Variants in FOXD4 observed in about 807,000 individuals in gnomAD.
FOXD4 encodes the protein forkhead box D4, also known as forkhead box protein D4.
A neutral mutation model predicts 26.5 loss-of-function variants in FOXD4; 22 were observed. The ratio of observed to expected loss-of-function variants is 0.83; its 90% CI spans 0.59 to 1.18. The LOEUF (loss-of-function observed/expected upper bound fraction) is 1.18. Among genes scored for constraint, FOXD4 ranks in the 50% most tolerant of loss-of-function variants. The probability of loss-of-function intolerance (pLI) is 0.00; values close to 1 mark genes in which losing one functional copy is unlikely to be tolerated. For missense variants in FOXD4, 625 were observed against 605.8 expected, an observed-to-expected ratio of 1.03 and a Z score of -0.33; for synonymous variants, 258 against 273.7, an observed-to-expected ratio of 0.94 and a Z score of 0.57.
At position 117,813 on chromosome 9, in the gene FOXD4, C is replaced by A. The variant is rs1459452351; in HGVS notation, c.307G>T (p.Ala103Ser). ...AAASEDARQP[A>S]KPPSSYIALI... ...GCGATGTACGAGGAGGGGGGCTTTGCCGGCTGCCGGGCATCTTCAGAGGCC... is the reference window on the plus strand; with the variant it reads ...GCGATGTACGAGGAGGGGGGCTTTGACGGCTGCCGGGCATCTTCAGAGGCC... Residue 103 changes from alanine to serine, a missense_variant, in exon 1 of 1, where the codon GCA becomes TCA. By Grantham distance (99) the Ala-to-Ser change is moderately conservative (BLOSUM62 1). Transcript: ENST00000382500. 1 of 1,612,862 alleles carries A rather than the reference C, an allele frequency of 6.2e-7. No individual in the cohort carries two copies. The highest frequency in any genetic ancestry group is 1.7e-5 in the Admixed American group (1 of 60,022).
Position 117,558 on chromosome 9 carries a change from A to T in FOXD4, c.562T>A (p.Phe188Ile). Reference sequence around the variant, plus strand: ...CGCCGGAGAAAGCTGCCATTGTCGAACATGTCCTGGGAGGCGGGGTCCAGG... The same window carrying T: ...CGCCGGAGAAAGCTGCCATTGTCGATCATGTCCTGGGAGGCGGGGTCCAGG... ...WSLDPASQDMFDNGSFLRRRK... is the reference protein window; with the variant it reads ...WSLDPASQDMIDNGSFLRRRK... The change falls in exon 1 of 1, where the codon TTC (phenylalanine) becomes ATC (isoleucine). Residue 188 changes from phenylalanine to isoleucine, a missense_variant. By Grantham distance (21) the Phe-to-Ile change is conservative. Transcript: ENST00000382500. 6.2e-7 allele frequency: 1 copy of T among 1,613,292 alleles called. No individual in the cohort carries two copies. Among genetic ancestry groups the T allele is most frequent in the South Asian group, 1.1e-5 (1 of 91,044 alleles).
chr9:117,525 G>T lies in FOXD4; in HGVS notation c.595C>A (p.Arg199Ser), dbSNP rs754274326. 6 of 1,612,220 alleles carry T rather than the reference G, an allele frequency of 3.7e-6. No individual in the cohort carries two copies. The highest frequency in any genetic ancestry group is 5.1e-6 in the Non-Finnish European group (6 of 1,179,984). The change falls in exon 1 of 1, where the codon CGT becomes AGT. Residue 199 changes from arginine (R) to serine (S), a missense_variant. Transcript: ENST00000382500. Reference sequence around the variant, plus strand: ...GGGGTCGGTTGGTGGCGCTGGAAACGCTTCCTACGCCGGAGAAAGCTGCCA... The same window carrying T: ...GGGGTCGGTTGGTGGCGCTGGAAACTCTTCCTACGCCGGAGAAAGCTGCCA... The part of the protein sequence containing the change: ...DNGSFLRRRK[R>S]FQRHQPTPGA...
In FOXD4 at chr9:117,498, C is replaced by T; in HGVS notation, c.622G>A (p.Gly208Arg). 1.2e-6 allele frequency: 2 copies of T among 1,610,902 alleles called. No individual in the cohort carries two copies. Among genetic ancestry groups the T allele is most frequent in the Non-Finnish European group, 1.7e-6 (2 of 1,179,902 alleles). ...KRFQRHQPTP[G>R]AHLPHPFPLP... Reference sequence around the variant, plus strand: ...GGGAAGGGGTGGGGCAGGTGGGCTCCCGGGGTCGGTTGGTGGCGCTGGAAA... The same window carrying T: ...GGGAAGGGGTGGGGCAGGTGGGCTCTCGGGGTCGGTTGGTGGCGCTGGAAA... The change falls in exon 1 of 1, where the codon GGA (glycine) becomes AGA (arginine). Residue 208 changes from glycine to arginine, a missense_variant. By Grantham distance (125) the Gly-to-Arg change is moderately radical. Around this residue, in one of 3 missense-constraint regions of FOXD4, gnomAD observed 399 missense variants for 329.4 expected, o/e 1.21. Transcript: ENST00000382500.
At position 117,723 on chromosome 9, in the gene FOXD4, A is replaced by G. The variant is rs762213039; in HGVS notation, c.397T>C (p.Phe133Leu). ...KRLTLSGICA[F>L]ISDRFPYYRR... ...TAGTAGGGGAAGCGGTCACTAATGA[A>G]GGCGCAGATGCCGCTGAGCGTGAGG... Residue 133 changes from phenylalanine to leucine, a missense_variant, in exon 1 of 1, where the codon TTC (phenylalanine) becomes CTC (leucine). Physicochemically the swap from Phe to Leu is conservative, Grantham distance 22. Around this residue, in one of 3 missense-constraint regions of FOXD4, gnomAD observed 399 missense variants for 329.4 expected, o/e 1.21. Transcript: ENST00000382500. The G allele has an allele frequency of 1.5e-5, 24 of 1,613,056 alleles. No homozygotes were observed. Among genetic ancestry groups the G allele is most frequent in the South Asian group, 7.7e-5 (7 of 91,020 alleles).
rs185822829 is a variant in FOXD4, at chr9:117,352, G to A, written c.768C>T (p.Tyr256=). 15,157 of 1,589,888 alleles carry A rather than the reference G, an allele frequency of 9.5e-3. 489 individuals are homozygous for A. In the African/African-American group the frequency reaches 0.12, roughly 12 times the overall value. The change falls in exon 1 of 1, where the codon TAC becomes TAT. Residue 256 remains tyrosine, a synonymous_variant. Coordinates refer to ENST00000382500, the MANE Select transcript of FOXD4 (RefSeq NM_207305.5). ...YPNTGPGRRP[Y]ALLHPHPPRY... is the part of the protein sequence containing the mutation. ...GAGGAGGATGCGGGTGCAGCAGAGCGTAAGGGCGTCTCCCGGGGCCGGTGT... is the reference window on the plus strand; with the variant it reads ...GAGGAGGATGCGGGTGCAGCAGAGCATAAGGGCGTCTCCCGGGGCCGGTGT...
In FOXD4 at chr9:117,457, G is replaced by T. The variant is rs561542320; in HGVS notation, c.663C>A (p.His221Gln). Residue 221 changes from histidine to glutamine, a missense_variant, in exon 1 of 1, where the codon CAC becomes CAA. Transcript: ENST00000382500. Reference sequence around the variant, plus strand: ...CTGGGCGGGGGTTGTGCAGGGCGGCGTGTGCAGCAGGTAGAGGGAAGGGGT... The same window carrying T: ...CTGGGCGGGGGTTGTGCAGGGCGGCTTGTGCAGCAGGTAGAGGGAAGGGGT... ...LPHPFPLPAA[H>Q]AALHNPRPGP... The T allele has an allele frequency of 2.9e-4, 458 of 1,602,374 alleles. 3 individuals carry two copies. In the South Asian group the frequency reaches 4.1e-3, roughly 14 times the overall value.
rs1819355287 is a variant in FOXD4 at position 116,309 on chromosome 9, G to A, written c.*491C>T. ...CACCTTAATTTTAACATTAAAGATG[G>A]CACGTCAGACACACAGATAAGAAAT... On this transcript the variant is annotated 3_prime_UTR_variant, in exon 1 of 1. Transcript: ENST00000382500. 1 of 183,474 alleles carries A rather than the reference G, an allele frequency of 5.5e-6. No individual in the cohort carries two copies. The highest frequency in any genetic ancestry group is 5.5e-5 in the Admixed American group (1 of 18,074). 11.4% of individuals were successfully genotyped at this position (183,474 alleles called of 1,614,324 possible).
In FOXD4 at chr9:117,512, T is replaced by A. The variant is rs1254051279; in HGVS notation, c.608A>T (p.His203Leu). The A allele has an allele frequency of 1.2e-6, 2 of 1,611,708 alleles. No homozygotes were observed. Among genetic ancestry groups the A allele is most frequent in the East Asian group, 4.5e-5 (2 of 44,886 alleles). The change falls in exon 1 of 1, where the codon CAC becomes CTC. Residue 203 changes from histidine (H) to leucine (L), a missense_variant. Coordinates refer to ENST00000382500, the MANE Select transcript of FOXD4 (RefSeq NM_207305.5). ...FLRRRKRFQR[H>L]QPTPGAHLPH... ...CAGGTGGGCTCCCGGGGTCGGTTGG[T>A]GGCGCTGGAAACGCTTCCTACGCCG...
Position 118,338 on chromosome 9 carries a change from C to A in FOXD4, c.-219G>T, listed in dbSNP as rs1819431247. On this transcript the variant is annotated 5_prime_UTR_variant, in exon 1 of 1. Transcript: ENST00000382500. The stretch of plus-strand genomic sequence containing the variant: ...CTTCTTCAAGACCATGTGTGGTGGA[C>A]GCCTCCCTTTATAACCCTTCTTCCC... The A allele has an allele frequency of 1.2e-5, 11 of 908,084 alleles. No individual in the cohort carries two copies. Among genetic ancestry groups the A allele is most frequent in the Non-Finnish European group, 1.7e-6 (1 of 602,880 alleles). 56.3% of individuals were successfully genotyped at this position (908,084 alleles called of 1,614,324 possible).
rs763095339 is a variant in FOXD4, at chr9:117,280, T to G, written c.840A>C (p.Lys280Asn). The G allele has an allele frequency of 3.1e-6, 5 of 1,605,684 alleles. No individual in the cohort carries two copies. In the East Asian group the frequency reaches 1.1e-4, roughly 36 times the overall value. ...GGGTCGCCAGGTCCGCGCCTTCTGC[T>G]TTCTTCGGTGCCCCGGCATAGGCGG... ...SAPAYAGAPK[K>N]AEGADLATPA... Residue 280 changes from lysine (K) to asparagine (N), a missense_variant, in exon 1 of 1, where the codon AAA (lysine) becomes AAC (asparagine). Physicochemically the swap from Lys to Asn is moderately conservative, Grantham distance 94. This residue lies in a region of FOXD4 where 92 missense variants were observed against 144.2 expected (regional missense o/e 0.64). Coordinates refer to ENST00000382500, the MANE Select transcript of FOXD4 (RefSeq NM_207305.5).
In FOXD4 at chr9:117,115, C is replaced by G. The variant is rs1173211336; in HGVS notation, c.1005G>C (p.Gln335His). The part of the protein sequence containing the change: ...VSCKGSGERV[Q>H]GLRRVCPRPR... Reference sequence around the variant, plus strand: ...GTCGGGGACAAACTCTGCGCAGCCCCTGTACCCGCTCCCCTGACCCCTTGC... The same window carrying G: ...GTCGGGGACAAACTCTGCGCAGCCCGTGTACCCGCTCCCCTGACCCCTTGC... The change falls in exon 1 of 1, where the codon CAG becomes CAC. Residue 335 changes from glutamine (Q) to histidine (H), a missense_variant. By Grantham distance (24) the Gln-to-His change is conservative (BLOSUM62 0). Coordinates refer to ENST00000382500, the MANE Select transcript of FOXD4 (RefSeq NM_207305.5). 9.9e-6 allele frequency: 16 copies of G among 1,611,960 alleles called. No homozygotes were observed. Among genetic ancestry groups the G allele is most frequent in the African/African-American group, 2.7e-5 (2 of 74,942 alleles).
rs749748421 is a variant in FOXD4, at chr9:117,430, G to A, written c.690C>T (p.Gly230=). 91 of 1,596,538 alleles carry A rather than the reference G, an allele frequency of 5.7e-5. 1 individual carries two copies. The highest frequency in any genetic ancestry group is 2.3e-4 in the Middle Eastern group (1 of 4,444). ...AHAALHNPRP[G]PLLGAPAPPQ... Reference sequence around the variant, plus strand: ...GCGGGGCAGGGGCCCCAAGCAGAGGGCCTGGGCGGGGGTTGTGCAGGGCGG... The same window carrying A: ...GCGGGGCAGGGGCCCCAAGCAGAGGACCTGGGCGGGGGTTGTGCAGGGCGG... Residue 230 remains glycine (G), a synonymous_variant, in exon 1 of 1, where the codon GGC becomes GGT. Coordinates refer to ENST00000382500, the MANE Select transcript of FOXD4 (RefSeq NM_207305.5).
chr9:117,166 T>A lies in FOXD4; in HGVS notation c.954A>T (p.Ala318=), dbSNP rs1289958250. ...ATGATACTCTCAATGCTGAAAGAGA[T>A]GCATCCGCCTCCCGGTGGCGACGCC... ...RVWRRHREAD[A]SLSALRVSCK... The change falls in exon 1 of 1, where the codon GCA becomes GCT. Residue 318 remains alanine, a synonymous_variant. Transcript: ENST00000382500. 2 of 1,611,398 alleles carry A rather than the reference T, an allele frequency of 1.2e-6. No individual in the cohort carries two copies. Among genetic ancestry groups the A allele is most frequent in the African/African-American group, 2.7e-5 (2 of 74,810 alleles).
At position 118,045 on chromosome 9, in the gene FOXD4, A is replaced by G; in HGVS notation, c.75T>C (p.Gly25=). The change falls in exon 1 of 1, where the codon GGT becomes GGC. Residue 25 remains glycine (G), a synonymous_variant. Coordinates refer to ENST00000382500, the MANE Select transcript of FOXD4 (RefSeq NM_207305.5). The part of the protein sequence containing the change: ...RSLRDSDGED[G]KIDVLGEEED... ...CCTCCTCTCCCAGGACATCGATTTT[A>G]CCGTCTTCCCCATCGGAGTCCCGGA... The G allele has an allele frequency of 6.2e-7, 1 of 1,611,794 alleles. No individual in the cohort carries two copies. The highest frequency in any genetic ancestry group is 8.5e-7 in the Non-Finnish European group (1 of 1,179,818).
Position 117,356 on chromosome 9 carries a change from G to A in FOXD4, c.764C>T (p.Pro255Leu), listed in dbSNP as rs754328922. Residue 255 changes from proline (P) to leucine (L), a missense_variant, in exon 1 of 1, where the codon CCT (proline) becomes CTT (leucine). This residue lies in a region of FOXD4 where 92 missense variants were observed against 144.2 expected (regional missense o/e 0.64). Coordinates refer to ENST00000382500, the MANE Select transcript of FOXD4 (RefSeq NM_207305.5). ...AGGATGCGGGTGCAGCAGAGCGTAA[G>A]GGCGTCTCCCGGGGCCGGTGTTGGG... ...AYPNTGPGRR[P>L]YALLHPHPPR... 6 of 1,592,786 alleles carry A rather than the reference G, an allele frequency of 3.8e-6. No individual in the cohort carries two copies. In the East Asian group the frequency reaches 1.3e-4, roughly 36 times the overall value.
In FOXD4 at chr9:116,976, C is replaced by T. The variant is rs760345986; in HGVS notation, c.1144G>A (p.Gly382Ser). ...DCANGCAPTK[G>S]AVLGGHLSAA... ...GACAGGTGCCCGCCCAGCACCGCGC[C>T]CTTGGTGGGAGCGCAGCCGTTGGCG... is the stretch of plus-strand genomic sequence containing the variant. Residue 382 changes from glycine to serine, a missense_variant, in exon 1 of 1, where the codon GGC becomes AGC. Gly to Ser is a moderately conservative substitution (Grantham distance 56). Around this residue, in one of 3 missense-constraint regions of FOXD4, gnomAD observed 134 missense variants for 132.2 expected, o/e 1.01. Coordinates refer to ENST00000382500, the MANE Select transcript of FOXD4 (RefSeq NM_207305.5). 1 of 1,611,968 alleles carries T rather than the reference C, an allele frequency of 6.2e-7. No individual in the cohort carries two copies. The highest frequency in any genetic ancestry group is 8.5e-7 in the Non-Finnish European group (1 of 1,179,804).
rs1308028745 is a variant in FOXD4 at position 117,806 on chromosome 9, G to T, written c.314C>A (p.Pro105His). ...ASEDARQPAK[P>H]PSSYIALITM... ...GATGAGCGCGATGTACGAGGAGGGG[G>T]GCTTTGCCGGCTGCCGGGCATCTTC... Residue 105 changes from proline to histidine, a missense_variant, in exon 1 of 1, where the codon CCC becomes CAC. By Grantham distance (77) the Pro-to-His change is moderately conservative. This residue lies in a region of FOXD4 where 399 missense variants were observed against 329.4 expected (regional missense o/e 1.21). Transcript: ENST00000382500. The T allele has an allele frequency of 6.2e-7, 1 of 1,612,984 alleles. No homozygotes were observed. The highest frequency in any genetic ancestry group is 8.5e-7 in the Non-Finnish European group (1 of 1,179,992).
chr9:118,156 G>C lies in FOXD4; in HGVS notation c.-37C>G. On this transcript the variant is annotated 5_prime_UTR_variant, in exon 1 of 1. Transcript: ENST00000382500. Reference sequence around the variant, plus strand: ...TGCTTCAGTCGCAGGGGATGTGGCGGCCGGATCACCTGGCCCCGGCGGGCT... The same window carrying C: ...TGCTTCAGTCGCAGGGGATGTGGCGCCCGGATCACCTGGCCCCGGCGGGCT... 6.4e-7 allele frequency: 1 copy of C among 1,574,002 alleles called. No homozygotes were observed. Among genetic ancestry groups the C allele is most frequent in the Non-Finnish European group, 8.6e-7 (1 of 1,163,904 alleles).
chr9:117,802 G>T lies in FOXD4; in HGVS notation c.318C>A (p.Pro106=), dbSNP rs544364362. The part of the protein sequence containing the change: ...SEDARQPAKP[P]SSYIALITMA... ...TGGTGATGAGCGCGATGTACGAGGAGGGGGGCTTTGCCGGCTGCCGGGCAT... is the reference window on the plus strand; with the variant it reads ...TGGTGATGAGCGCGATGTACGAGGATGGGGGCTTTGCCGGCTGCCGGGCAT... Residue 106 remains proline (P), a synonymous_variant, in exon 1 of 1, where the codon CCC becomes CCA. Coordinates refer to ENST00000382500, the MANE Select transcript of FOXD4 (RefSeq NM_207305.5). The T allele has an allele frequency of 3.1e-6, 5 of 1,613,114 alleles. No individual in the cohort carries two copies. The highest frequency in any genetic ancestry group is 2.2e-5 in the South Asian group (2 of 91,020).
Sources: allele counts gnomAD v4.1 joint callset, GRCh38; gene constraint gnomAD v4.1.1; regional missense constraint gnomAD v4.1.1; transcripts MANE v1.5; gene names NCBI Gene and HGNC (gene_info 2026-07-23, HGNC 2026-07-21).